DLC1: variants seen among roughly 807,000 people sequenced by gnomAD.
DLC1 encodes the protein rho GTPase-activating protein 7.
DLC1 carries 54 observed loss-of-function variants against 140.3 expected under a neutral mutation model. That is an observed-to-expected ratio of 0.38 (90% confidence interval 0.31 to 0.48). DLC1 has a LOEUF of 0.48. Ranked by LOEUF, DLC1 falls within the 20% of genes least tolerant of loss-of-function variation. The pLI is 0.96. For synonymous variants in DLC1, 986 were observed against 728.1 expected (o/e 1.35, Z -5.70); for missense variants, 2,536 against 1,907.0 (o/e 1.33, Z -6.14).
intron 5 of DLC1, among the ~76,000 whole-genome samples, chr8:13,171,065 A>T (rs1304919351): frequency 6.6e-6 from 1 of 152,246 alleles, no homozygotes; most frequent in African/African-American, 2.4e-5. Flanking sequence ...TTGCTGAATC[A>T]GGGAGAGAAA....
chr8:13,262,473 GAA>G (rs1247494678), intron 5 of DLC1, among the ~76,000 whole-genome samples: 4 of 151,976 alleles, frequency 2.6e-5, no homozygotes, highest in Non-Finnish European at 5.9e-5. Context: ...TTAGTAAAAT[GAA>G]AAGAGGTCAT....
chr8:13,195,540 G>A (rs1826996008), intron 5 of DLC1, among the ~76,000 whole-genome samples: 2 of 152,214 alleles, frequency 1.3e-5, no homozygotes, highest in Admixed American at 6.5e-5. Context: ...TAGGAAAGGA[G>A]ATTCAGAGAA....
At chr8:13,195,915 G>C (rs532335502) in intron 5 of DLC1, among the ~76,000 whole-genome samples, 2 of 152,056 alleles carry the variant, frequency 1.3e-5, no homozygotes, top group South Asian at 4.1e-4. Flanking sequence ...GCCAATTTAG[G>C]ACATTTTAAT....
intron 5 of DLC1, among the ~76,000 whole-genome samples, chr8:13,147,760 C>T (rs945213330): frequency 4.6e-5 from 7 of 152,128 alleles, no homozygotes; most frequent in South Asian, 2.1e-4. Context: ...GAGGCCTAGG[C>T]GGGCGGATCA....
intron 5 of DLC1, among the ~76,000 whole-genome samples, chr8:13,119,752 G>T (rs1820878348): frequency 1.3e-5 from 2 of 151,984 alleles, no homozygotes; most frequent in South Asian, 2.1e-4. Context: ...AGGAGTTCAA[G>T]ACCACTCTGG....
chr8:13,203,541 C>A (rs188902102), intron 5 of DLC1, among the ~76,000 whole-genome samples: 1 of 152,074 alleles, frequency 6.6e-6, no homozygotes, highest in Non-Finnish European at 1.5e-5. Context: ...GGAGATTGTG[C>A]GCAATCCTGT....
At chr8:13,243,237 C>T (rs1004042082) in intron 5 of DLC1, among the ~76,000 whole-genome samples, 1 of 139,436 alleles carries the variant, frequency 7.2e-6, no homozygotes, top group African/African-American at 2.7e-5. Context: ...TTGCAGTGAG[C>T]CAAGATCAAA....
chr8:13,328,329 A>G (rs1184887932), intron 4 of DLC1, among the ~76,000 whole-genome samples: 1 of 152,068 alleles, frequency 6.6e-6, no homozygotes, highest in African/African-American at 2.4e-5. Flanking sequence ...AGTGATGAAT[A>G]TGGGGAGAAG....
At chr8:13,504,624 G>C (rs925295576) in intron 1 of DLC1, among the ~76,000 whole-genome samples, 1 of 152,102 alleles carries the variant, frequency 6.6e-6, no homozygotes, top group Non-Finnish European at 1.5e-5. Flanking sequence ...TGTAATCGGA[G>C]AAAGAGAAAA....
At chr8:13,603,960 T>C (rs929807856) in intron 1 of DLC1, among the ~76,000 whole-genome samples, 1 of 152,108 alleles carries the variant, frequency 6.6e-6, no homozygotes, top group African/African-American at 2.4e-5. Flanking sequence ...TCAGAAAAGG[T>C]AAATGGTGTA....
chr8:13,131,334 A>G (rs924477586), intron 5 of DLC1, among the ~76,000 whole-genome samples: 3 of 152,156 alleles, frequency 2.0e-5, no homozygotes, highest in Non-Finnish European at 4.4e-5. Context: ...TTCAGCAAAC[A>G]GAATTTTGGA....
intron 5 of DLC1, among the ~76,000 whole-genome samples, chr8:13,162,169 C>G (rs184078956): frequency 1.1e-4 from 17 of 152,302 alleles, no homozygotes; most frequent in Non-Finnish European, 2.2e-4. Context: ...AGCTTGACTA[C>G]TTAAGAGAAA....
intron 1 of DLC1, among the ~76,000 whole-genome samples, chr8:13,542,493 G>C (rs1158721485): frequency 6.6e-6 from 1 of 151,728 alleles, no homozygotes; most frequent in Non-Finnish European, 1.5e-5. Context: ...AATTGTTTTG[G>C]CTAATCTAGG....
At chr8:13,212,242 C>A (rs1305110253) in intron 5 of DLC1, among the ~76,000 whole-genome samples, 1 of 152,098 alleles carries the variant, frequency 6.6e-6, no homozygotes, top group African/African-American at 2.4e-5. Context: ...GCCACGATGG[C>A]CTTCTCAGCT....
chr8:13,342,778 T>C (rs1357905902), intron 4 of DLC1: 6 of 152,140 alleles, frequency 3.9e-5, no homozygotes, highest in Non-Finnish European at 7.3e-5. Context: ...CTCCAACATA[T>C]CCATCGGTTC....
chr8:13,091,508 C>A, intron 13 of DLC1, 76 bp from the exon 14 acceptor site: 1 of 1,369,136 alleles, frequency 7.3e-7, no homozygotes, highest in South Asian at 1.5e-5. Context: ...TCAAGGAAAC[C>A]CAAAGAAGAG....
rs1345569368 is a variant in DLC1, at chr8:13,091,330, C to T, written c.3843G>A (p.Lys1281=). The change falls in exon 14 of 18, where the codon AAG becomes AAA. Residue 1281 remains lysine (K), a synonymous_variant. Coordinates refer to ENST00000276297, the MANE Select transcript of DLC1 (RefSeq NM_182643.3). ...QGLAHMIAEC[K]KLFQVPEEMS... is the part of the protein sequence containing the mutation. ...CTCAATTCCTTACCTGGAAAAGCTT[C>T]TTGCACTCGGCGATCATATGGGCCA... 3 of 1,614,010 alleles carry T rather than the reference C, an allele frequency of 1.9e-6. No homozygotes were observed. Among genetic ancestry groups the T allele is most frequent in the South Asian group, 2.2e-5 (2 of 91,076 alleles).
chr8:13,147,048 A>G (rs987863685), intron 5 of DLC1, among the ~76,000 whole-genome samples: 6 of 152,196 alleles, frequency 3.9e-5, no homozygotes, highest in African/African-American at 1.4e-4. Context: ...CAATGTATAT[A>G]TATTTTTCTT....
chr8:13,185,330 T>C (rs959772427), intron 5 of DLC1, among the ~76,000 whole-genome samples: 3 of 143,026 alleles, frequency 2.1e-5, no homozygotes, highest in Admixed American at 7.2e-5. Context: ...GTTTTTGAGA[T>C]GGAGTCTCAC....
Sources: gnomAD v4.1 joint callset for allele counts (sites outside exome capture counted in the v4.1 genomes callset) on GRCh38, gnomAD v4.1.1 for gene constraint, MANE v1.5 for transcripts, NCBI Gene and HGNC (gene_info 2026-07-23, HGNC 2026-07-21) for gene names.